The following WASF3 variants were observed in gnomAD, a reference collection of about 807,000 sequenced individuals.
The protein encoded by WASF3 is actin-binding protein WASF3.
Under a neutral mutation model 46.6 loss-of-function variants are expected in WASF3, and 11 were observed. The ratio of observed to expected loss-of-function variants is 0.24; its 90% CI spans 0.15 to 0.39. The LOEUF is 0.39. Among genes scored for constraint, WASF3 ranks in the 10% least tolerant of loss-of-function variants. The pLI is 1.00. For missense variants in WASF3, 576 were observed against 669.8 expected (o/e 0.86, Z 1.55); for synonymous variants, 242 against 259.7 (o/e 0.93, Z 0.65).
At chr13:26,673,297 T>C (rs1416649594) in intron 6 of WASF3, among the ~76,000 whole-genome samples, 3 of 152,214 alleles carry the variant, frequency 2.0e-5, no homozygotes, top group African/African-American at 7.2e-5. Context: ...TTTAAAATCA[T>C]TTGTTATTTC....
chr13:26,635,705 T>C (rs57799934), intron 2 of WASF3, among the ~76,000 whole-genome samples: 9,418 of 152,322 alleles, frequency 0.062, 786 homozygotes, highest in African/African-American at 0.19. Context: ...ATGTTGATGC[T>C]ATTCCTTTCT....
intron 1 of WASF3, among the ~76,000 whole-genome samples, chr13:26,582,290 T>C (rs1880002487): frequency 6.6e-6 from 1 of 152,154 alleles, no homozygotes. Flanking sequence ...GGGGCCAGAC[T>C]GATTTGTGTT....
chr13:26,591,429 G>A (rs988689326), intron 1 of WASF3, among the ~76,000 whole-genome samples: 2 of 152,010 alleles, frequency 1.3e-5, no homozygotes, highest in African/African-American at 4.8e-5. Flanking sequence ...GGAAGCAGTA[G>A]GATTTTGATG....
the WASF3 span, among the ~76,000 whole-genome samples, chr13:26,550,028 G>T: frequency 6.6e-6 from 1 of 152,120 alleles, no homozygotes; most frequent in African/African-American, 2.4e-5. Flanking sequence ...TTTCTTTTAG[G>T]AGCAAATTAG....
intron 2 of WASF3, among the ~76,000 whole-genome samples, chr13:26,625,285 T>G (rs2133813): frequency 6.6e-6 from 1 of 151,898 alleles, no homozygotes; most frequent in African/African-American, 2.4e-5. Context: ...AGGAGATTTA[T>G]TATGGAATTT....
chr13:26,600,051 G>A (rs1213433730), intron 1 of WASF3, among the ~76,000 whole-genome samples: 2 of 152,172 alleles, frequency 1.3e-5, no homozygotes, highest in Admixed American at 6.5e-5. Context: ...TTTGGGCTCC[G>A]AAGATTAAAT....
At chr13:26,565,943 T>C (rs1042534320) in intron 1 of WASF3, among the ~76,000 whole-genome samples, 4 of 152,192 alleles carry the variant, frequency 2.6e-5, no homozygotes, top group Non-Finnish European at 5.9e-5. Context: ...AAAAAAATTA[T>C]GAAAACTACA....
chr13:26,631,506 C>T (rs1323366412), intron 2 of WASF3, among the ~76,000 whole-genome samples: 1 of 152,042 alleles, frequency 6.6e-6, no homozygotes, highest in Non-Finnish European at 1.5e-5. Context: ...ATTTCTGAGG[C>T]CTCTGTTCGG....
intron 1 of WASF3, among the ~76,000 whole-genome samples, chr13:26,584,173 T>G (rs1411262779): frequency 6.6e-6 from 1 of 152,218 alleles, no homozygotes; most frequent in East Asian, 1.9e-4. Context: ...GATTAATCAC[T>G]TAGTTGCAAG....
chr13:26,605,923 T>TG (rs1231139469), intron 1 of WASF3, among the ~76,000 whole-genome samples: 9 of 152,220 alleles, frequency 5.9e-5, no homozygotes, highest in African/African-American at 2.2e-4. Flanking sequence ...TTTGCTCATT[T>TG]GTTTACTATT....
At chr13:26,605,693 A>G (rs954294529) in intron 1 of WASF3, among the ~76,000 whole-genome samples, 2 of 152,196 alleles carry the variant, frequency 1.3e-5, no homozygotes, top group East Asian at 1.9e-4. Flanking sequence ...TGTGAACATT[A>G]AAAAACGAAG....
upstream of WASF3, among the ~76,000 whole-genome samples, chr13:26,553,937 T>C (rs1879023868): frequency 6.6e-6 from 1 of 152,230 alleles, no homozygotes. Flanking sequence ...TTTCTTTACA[T>C]TGGAAAAATT....
At chr13:26,615,225 A>C (rs982618473) in intron 2 of WASF3, among the ~76,000 whole-genome samples, 2 of 152,168 alleles carry the variant, frequency 1.3e-5, no homozygotes, top group Admixed American at 6.5e-5. Flanking sequence ...TAGAATGTAC[A>C]TATTAAATAA....
At chr13:26,594,566 G>T (rs1426141406) in intron 1 of WASF3, among the ~76,000 whole-genome samples, 3 of 152,108 alleles carry the variant, frequency 2.0e-5, no homozygotes, top group African/African-American at 4.8e-5. Flanking sequence ...TTGTATTACT[G>T]CCCTGTTGTA....
At position 26,679,413 on chromosome 13, in the gene WASF3, C is replaced by T. The variant is rs533734479; in HGVS notation, c.717-1641C>T. 2.0e-5 allele frequency among the ~76,000 whole-genome samples: 3 copies of T among 152,284 alleles called. No homozygotes were observed. The highest frequency in any genetic ancestry group is 6.5e-5 in the Admixed American group (1 of 15,306). ...TCTGGTTTCTACTTCAGATATTTAT[C>T]GAGTCTTCCTTCACTTCTGCCTCCA... On this transcript the variant is annotated intron_variant, in intron 7 of 9. Transcript: ENST00000335327. This position sits in a 1 kb window ranked among gnomAD's most constrained non-coding sequence, Gnocchi z 4.8.
At chr13:26,634,578 G>T (rs996283794) in intron 2 of WASF3, among the ~76,000 whole-genome samples, 1 of 152,188 alleles carries the variant, frequency 6.6e-6, no homozygotes, top group South Asian at 2.1e-4. Context: ...TTTATTCATA[G>T]CATCGATGGT....
chr13:26,557,289 A>G (rs1330002397), upstream of WASF3, among the ~76,000 whole-genome samples: 1 of 152,222 alleles, frequency 6.6e-6, no homozygotes, highest in Non-Finnish European at 1.5e-5. Context: ...CTGACACCTT[A>G]CAGGTAGAGG....
At chr13:26,589,559 T>C (rs1394428177) in intron 1 of WASF3, among the ~76,000 whole-genome samples, 1 of 152,230 alleles carries the variant, frequency 6.6e-6, no homozygotes, top group East Asian at 1.9e-4. Flanking sequence ...GGAGTCTTGC[T>C]GTTTTGGCTT....
chr13:26,643,107 G>T (rs1437334661), intron 3 of WASF3, among the ~76,000 whole-genome samples: 1 of 152,140 alleles, frequency 6.6e-6, no homozygotes, highest in Non-Finnish European at 1.5e-5. Context: ...ACTCAAATAT[G>T]CATGAAAATG....
Sources: gnomAD v4.1 joint callset for allele counts (sites outside exome capture counted in the v4.1 genomes callset) on GRCh38, gnomAD v4.1.1 for gene constraint, Gnocchi (gnomAD v3.1) non-coding constraint, MANE v1.5 for transcripts, NCBI Gene and HGNC (gene_info 2026-07-23, HGNC 2026-07-21) for gene names.